The following USP6NL variants were observed in gnomAD, a reference collection of about 807,000 sequenced individuals.
USP6NL encodes the protein USP6 N-terminal-like protein.
USP6NL carries 26 observed loss-of-function variants against 61.9 expected under a neutral mutation model. The observed-to-expected ratio is 0.42, with a 90% confidence interval of 0.31 to 0.58. The LOEUF (loss-of-function observed/expected upper bound fraction) is 0.58, where lower values mean the gene tolerates loss of function less well. Among genes scored for constraint, USP6NL ranks in the 20% least tolerant of loss-of-function variants. The probability of loss-of-function intolerance (pLI) is 0.16; values close to 1 mark genes in which losing one functional copy is unlikely to be tolerated. For synonymous variants in USP6NL, 432 were observed against 390.1 expected, an observed-to-expected ratio of 1.11 and a Z score of -1.27; for missense variants, 1,114 against 1,034.3, an observed-to-expected ratio of 1.08 and a Z score of -1.06.
intron 14 of USP6NL, among the ~76,000 whole-genome samples, chr10:11,472,269 G>A (rs1400495990): frequency 6.6e-6 from 1 of 152,168 alleles, no homozygotes; most frequent in African/African-American, 2.4e-5. Context: ...TAAAAAGCAA[G>A]GAAGAGTCCC....
At chr10:11,464,195 G>A (rs761405817) in intron 14 of USP6NL, among the ~76,000 whole-genome samples, 7 of 152,302 alleles carry the variant, frequency 4.6e-5, no homozygotes, top group African/African-American at 9.6e-5. Context: ...TGAAGAGTGC[G>A]GCAAGGAATC....
chr10:11,549,081 ACCC>A (rs1836391272), intron 2 of USP6NL, among the ~76,000 whole-genome samples: 1 of 152,052 alleles, frequency 6.6e-6, no homozygotes, highest in Non-Finnish European at 1.5e-5. Flanking sequence ...ATATTTTACT[ACCC>A]TTAAAAGACT....
At chr10:11,569,915 C>T (rs1837298169) in intron 2 of USP6NL, among the ~76,000 whole-genome samples, 1 of 152,208 alleles carries the variant, frequency 6.6e-6, no homozygotes, top group South Asian at 2.1e-4. Context: ...TACACGGATT[C>T]TTCATGTTTG....
At position 11,470,375 on chromosome 10, in the gene USP6NL, T is replaced by A. The variant is rs1832684317; in HGVS notation, c.1079-6526A>T. On this transcript the variant is annotated intron_variant, in intron 14 of 14. Coordinates refer to ENST00000609104, the MANE Select transcript of USP6NL (RefSeq NM_014688.5). This position sits in a 1 kb window ranked among gnomAD's most constrained non-coding sequence, Gnocchi z 5.4. ...AAGGACGCCATGCCAGGATCTGGCCTCTACTATGATGAAGAGGAAAATCTC... is the reference window on the plus strand; with the variant it reads ...AAGGACGCCATGCCAGGATCTGGCCACTACTATGATGAAGAGGAAAATCTC... 6.6e-6 allele frequency among the ~76,000 whole-genome samples: 1 copy of A among 152,160 alleles called. No homozygotes were observed. The highest frequency in any genetic ancestry group is 1.5e-5 in the Non-Finnish European group (1 of 67,998).
chr10:11,527,614 G>T (rs375135160), intron 2 of USP6NL, 47 bp from the exon 3 acceptor site: 1 of 1,510,910 alleles, frequency 6.6e-7, no homozygotes, highest in African/African-American at 1.4e-5. Context: ...TGAAAGAATC[G>T]TAAAGTTAAT....
rs1336371304 is a variant in USP6NL, at chr10:11,592,097, C to A, written c.4+5534G>T. 1.3e-5 allele frequency among the ~76,000 whole-genome samples: 2 copies of A among 152,154 alleles called. No individual in the cohort carries two copies. The highest frequency in any genetic ancestry group is 4.8e-5 in the African/African-American group (2 of 41,430). On this transcript the variant is annotated intron_variant, in intron 2 of 14. Coordinates refer to ENST00000609104, the MANE Select transcript of USP6NL (RefSeq NM_014688.5). The surrounding 1 kb of genome is among the most constrained non-coding windows in gnomAD (Gnocchi z 4.7). ...ATGTTGGCCAGGCTGGTCTTGAACT[C>A]CTGACCTCAGGTGATCTGGCCACCT...
At chr10:11,515,998 C>A (rs914317894) in intron 5 of USP6NL, among the ~76,000 whole-genome samples, 1 of 152,176 alleles carries the variant, frequency 6.6e-6, no homozygotes, top group African/African-American at 2.4e-5. Flanking sequence ...ATAGCTGAAT[C>A]TATGAAAATT....
Position 11,541,230 on chromosome 10 carries a change from C to CATATATATAT in USP6NL, c.5-13673_5-13664dup, listed in dbSNP as rs71378797. 3.0e-3 allele frequency among the ~76,000 whole-genome samples: 131 copies of CATATATATAT among 43,198 alleles called. 1 individual carries two copies. The highest frequency in any genetic ancestry group is 4.4e-3 in the Non-Finnish European group (99 of 22,276). 28.3% of individuals were successfully genotyped at this position (43,198 alleles called of 152,430 possible). On this transcript the variant is annotated intron_variant, in intron 2 of 14. Transcript: ENST00000609104. ...TTTATATAACAAACATCAATAGTGC[C>CATATATATAT]ATATATATATATATATATATATATA...
In USP6NL at chr10:11,575,815, A is replaced by G. The variant is rs184557185; in HGVS notation, c.4+21816T>C. Among the ~76,000 whole-genome samples, 15 of 152,366 alleles carry G rather than the reference A, an allele frequency of 9.8e-5. No homozygotes were observed. The highest frequency in any genetic ancestry group is 9.1e-4 in the Admixed American group (14 of 15,304). On this transcript the variant is annotated intron_variant, in intron 2 of 14. Transcript: ENST00000609104. The surrounding 1 kb of genome is among the most constrained non-coding windows in gnomAD (Gnocchi z 4.2). ...TAAAATGCCAAAGTCATAGAAGACA[A>G]AGACAGACTGAGAAAGTGTTACAGA...
chr10:11,557,714 C>A (rs762770104), intron 2 of USP6NL, among the ~76,000 whole-genome samples: 2 of 152,142 alleles, frequency 1.3e-5, no homozygotes, highest in African/African-American at 2.4e-5. Flanking sequence ...CACAGAGACT[C>A]TAGTGCATGA....
chr10:11,483,550 G>A (rs1342390412), intron 13 of USP6NL, among the ~76,000 whole-genome samples: 1 of 68,126 alleles, frequency 1.5e-5, no homozygotes, highest in Non-Finnish European at 3.1e-5. Flanking sequence ...GAGAGAGGGA[G>A]GGAGGGAGGG....
At chr10:11,488,144 G>C (rs181437799) in intron 10 of USP6NL, among the ~76,000 whole-genome samples, 83 of 152,256 alleles carry the variant, frequency 5.5e-4, no homozygotes, top group African/African-American at 2.0e-3. Context: ...GGGGGCTGTG[G>C]CTCACACCTG....
Position 11,541,252 on chromosome 10 carries a change from T to C in USP6NL, c.5-13685A>G, listed in dbSNP as rs1480761742. Among the ~76,000 whole-genome samples, 11 of 127,106 alleles carry C rather than the reference T, an allele frequency of 8.7e-5. 1 individual carries two copies. In the Admixed American group the frequency reaches 8.7e-4, roughly 10 times the overall value. 83.4% of individuals were successfully genotyped at this position (127,106 alleles called of 152,430 possible). On this transcript the variant is annotated intron_variant, in intron 2 of 14. Coordinates refer to ENST00000609104, the MANE Select transcript of USP6NL (RefSeq NM_014688.5). Reference sequence around the variant, plus strand: ...TGCCATATATATATATATATATATATATATATATATATATATATATATATG... The same window carrying C: ...TGCCATATATATATATATATATATACATATATATATATATATATATATATG...
At chr10:11,508,613 C>T (rs2133338755) in intron 6 of USP6NL, among the ~76,000 whole-genome samples, 1 of 152,240 alleles carries the variant, frequency 6.6e-6, no homozygotes, top group Admixed American at 6.5e-5. Context: ...TAAGAATGCC[C>T]TCGATGAAGC....
Position 11,509,656 on chromosome 10 carries a change from T to C in USP6NL, c.215A>G (p.Glu72Gly), listed in dbSNP as rs1344317696. The change falls in exon 6 of 15, where the codon GAA (glutamate) becomes GGA (glycine). Residue 72 changes from glutamate (E) to glycine (G), a missense_variant. Glu to Gly is a moderately conservative substitution (Grantham distance 98, BLOSUM62 -2). Coordinates refer to ENST00000609104, the MANE Select transcript of USP6NL (RefSeq NM_014688.5). Reference protein sequence around the residue: ...AVERQKHLEIERTTKWLKMLK... With the variant: ...AVERQKHLEIGRTTKWLKMLK... The stretch of plus-strand genomic sequence containing the variant: ...CATTTTCAGCCATTTGGTAGTTCTT[T>C]CAATTTCCAGGTGCTTTTGCTAAAA... The C allele has an allele frequency of 1.3e-6, 2 of 1,567,710 alleles. No homozygotes were observed. The highest frequency in any genetic ancestry group is 4.6e-5 in the East Asian group (2 of 43,404).
intron 14 of USP6NL, among the ~76,000 whole-genome samples, chr10:11,464,278 T>C (rs1332116489): frequency 6.6e-6 from 1 of 152,154 alleles, no homozygotes; most frequent in Non-Finnish European, 1.5e-5. Context: ...CTCATGTCTA[T>C]CTTAGAAAAA....
At chr10:11,545,065 T>G (rs1836225639) in intron 2 of USP6NL, among the ~76,000 whole-genome samples, 1 of 152,216 alleles carries the variant, frequency 6.6e-6, no homozygotes, top group South Asian at 2.1e-4. Flanking sequence ...CACTCTTTAG[T>G]ACATCCTGAA....
At chr10:11,578,003 G>T (rs756272823) in intron 2 of USP6NL, among the ~76,000 whole-genome samples, 2 of 152,012 alleles carry the variant, frequency 1.3e-5, no homozygotes, top group East Asian at 3.9e-4. Flanking sequence ...TCACTCTGTC[G>T]TTCAGGCTGG....
At chr10:11,572,535 T>C (rs570187209) in intron 2 of USP6NL, among the ~76,000 whole-genome samples, 1 of 152,188 alleles carries the variant, frequency 6.6e-6, no homozygotes, top group African/African-American at 2.4e-5. Flanking sequence ...TCAGCTCTAA[T>C]ATTCTTTATA....
Sources: gnomAD v4.1 joint callset for allele counts (sites outside exome capture counted in the v4.1 genomes callset) on GRCh38, gnomAD v4.1.1 for gene constraint, Gnocchi (gnomAD v3.1) non-coding constraint, MANE v1.5 for transcripts, NCBI Gene and HGNC (gene_info 2026-07-23, HGNC 2026-07-21) for gene names.